The following PRKN variants were observed in gnomAD, a reference collection of about 807,000 sequenced individuals.
PRKN encodes the protein parkin RBR E3 ubiquitin protein ligase.
PRKN carries 56 observed loss-of-function variants against 59.5 expected under a neutral mutation model. That is an observed-to-expected ratio of 0.94 (90% CI 0.76 to 1.18). PRKN has a LOEUF of 1.18. Ranked by LOEUF, PRKN falls within the 50% of genes most tolerant of loss-of-function variation. The probability of loss-of-function intolerance (pLI) is 0.00; values close to 1 mark genes in which losing one functional copy is unlikely to be tolerated. For synonymous variants in PRKN, 250 were observed against 222.1 expected (o/e 1.13, Z -1.12); for missense variants, 657 against 596.4 (o/e 1.10, Z -1.06).
chr6:161,629,926 G>A (rs144556166), intron 7 of PRKN, among the ~76,000 whole-genome samples: 145 of 152,214 alleles, frequency 9.5e-4, no homozygotes, highest in African/African-American at 2.5e-3. Flanking sequence ...TGACAATAGC[G>A]CCAGGTCTGA....
chr6:161,623,344 CT>C (rs1272117270), intron 7 of PRKN, among the ~76,000 whole-genome samples: 1 of 152,124 alleles, frequency 6.6e-6, no homozygotes, highest in African/African-American at 2.4e-5. Context: ...AGACATAAGT[CT>C]TGTAAGTGAA....
intron 6 of PRKN, among the ~76,000 whole-genome samples, chr6:161,930,559 C>A (rs771759583): frequency 6.6e-6 from 1 of 152,092 alleles, no homozygotes; most frequent in African/African-American, 2.4e-5. Flanking sequence ...ATGTTCTTGC[C>A]CATTGTAGAA....
chr6:162,007,369 C>T (rs1032714405), intron 5 of PRKN, among the ~76,000 whole-genome samples: 5 of 152,104 alleles, frequency 3.3e-5, no homozygotes, highest in African/African-American at 1.2e-4. Context: ...AGTATAATAG[C>T]AGACACATTT....
chr6:162,368,111 T>C (rs1158915546), intron 2 of PRKN, among the ~76,000 whole-genome samples: 1 of 152,098 alleles, frequency 6.6e-6, no homozygotes, highest in African/African-American at 2.4e-5. Flanking sequence ...GGCAAGGGCA[T>C]CTGGGAAATA....
chr6:161,510,994 T>C (rs937161801), intron 9 of PRKN, among the ~76,000 whole-genome samples: 1 of 152,304 alleles, frequency 6.6e-6, no homozygotes. Context: ...GAAGATGCTA[T>C]TTTTAAAGAG....
chr6:162,296,669 C>A (rs1003133898), intron 2 of PRKN, among the ~76,000 whole-genome samples: 2 of 152,018 alleles, frequency 1.3e-5, no homozygotes, highest in African/African-American at 4.8e-5. Context: ...GCTCAGATTG[C>A]AAATGTATAC....
chr6:162,561,421 T>C (rs1389994882), intron 1 of PRKN, among the ~76,000 whole-genome samples: 2 of 152,082 alleles, frequency 1.3e-5, no homozygotes, highest in East Asian at 3.9e-4. Context: ...GCTCCACCGT[T>C]CGTCCCCCGA....
At chr6:162,424,254 A>G (rs1016055924) in intron 2 of PRKN, among the ~76,000 whole-genome samples, 3 of 152,166 alleles carry the variant, frequency 2.0e-5, no homozygotes, top group Non-Finnish European at 4.4e-5. Flanking sequence ...GAGGGAAGAA[A>G]TGGGTGATGA....
intron 7 of PRKN, among the ~76,000 whole-genome samples, chr6:161,653,633 T>C (rs537377579): frequency 6.6e-6 from 1 of 152,348 alleles, no homozygotes; most frequent in Admixed American, 6.5e-5. Context: ...AACTAGTTCA[T>C]ACTTCCCACT....
intron 9 of PRKN, among the ~76,000 whole-genome samples, chr6:161,494,439 A>C (rs1208737542): frequency 6.6e-6 from 1 of 152,204 alleles, no homozygotes; most frequent in African/African-American, 2.4e-5. Flanking sequence ...CTGAATCTTA[A>C]GGAGAGTGGA....
rs1268150052 is a variant in PRKN at position 161,363,091 on chromosome 6, G to C, written c.1168-2886C>G. On this transcript the variant is annotated intron_variant, in intron 10 of 11. Coordinates refer to ENST00000366898, the MANE Select transcript of PRKN (RefSeq NM_004562.3). The surrounding 1 kb of genome is among the most constrained non-coding windows in gnomAD (Gnocchi z 4.1). ...ACCTCGTCTCTGCTAAAAACACAAC[G>C]ATTAGCCAAGCGTGGTGGTGTGCAC... Among the ~76,000 whole-genome samples the C allele has an allele frequency of 6.6e-6, 1 of 151,964 alleles. No individual in the cohort carries two copies. Among genetic ancestry groups the C allele is most frequent in the East Asian group, 1.9e-4 (1 of 5,182 alleles).
chr6:161,882,742 G>A lies in PRKN; in HGVS notation c.734+90560C>T, dbSNP rs921072134. ...TCCACGGCTGGGCGCGGTGGCTCAC[G>A]CTTGTAATCCCAGCACTTTGGGAGG... On this transcript the variant is annotated intron_variant, in intron 6 of 11. Transcript: ENST00000366898. 2.6e-5 allele frequency among the ~76,000 whole-genome samples: 4 copies of A among 152,106 alleles called. No homozygotes were observed. In the South Asian group the frequency reaches 6.2e-4, roughly 24 times the overall value.
At chr6:162,252,898 T>C (rs1779492856) in intron 3 of PRKN, among the ~76,000 whole-genome samples, 1 of 152,250 alleles carries the variant, frequency 6.6e-6, no homozygotes, top group Non-Finnish European at 1.5e-5. Flanking sequence ...AAACAAATGT[T>C]GTTTTCATTC....
Position 161,405,028 on chromosome 6 carries a change from G to T in PRKN, c.1084-18151C>A, listed in dbSNP as rs1787199003. 6.6e-6 allele frequency among the ~76,000 whole-genome samples: 1 copy of T among 152,170 alleles called. No individual in the cohort carries two copies. The highest frequency in any genetic ancestry group is 1.5e-5 in the Non-Finnish European group (1 of 68,032). On this transcript the variant is annotated intron_variant, in intron 9 of 11. Coordinates refer to ENST00000366898, the MANE Select transcript of PRKN (RefSeq NM_004562.3). This position sits in a 1 kb window ranked among gnomAD's most constrained non-coding sequence, Gnocchi z 5.1. ...ACGTTTAATGTTTTATATTTTCATT[G>T]AAGGCAGGAAGATAGACTAAATGAT...
intron 2 of PRKN, among the ~76,000 whole-genome samples, chr6:162,425,421 G>C (rs1043632523): frequency 2.0e-5 from 3 of 152,104 alleles, no homozygotes; most frequent in Admixed American, 1.3e-4. Flanking sequence ...AGTTACCTAA[G>C]AACCACAGAC....
chr6:161,803,851 GC>G (rs1791195969), intron 6 of PRKN, among the ~76,000 whole-genome samples: 1 of 152,190 alleles, frequency 6.6e-6, no homozygotes, highest in South Asian at 2.1e-4. Context: ...CATAAAGGAA[GC>G]AAAGACCTCA....
At chr6:162,132,504 G>A (rs866999709) in intron 4 of PRKN, among the ~76,000 whole-genome samples, 119 of 152,264 alleles carry the variant, frequency 7.8e-4, no homozygotes, top group African/African-American at 2.8e-3. Context: ...CTACACGATG[G>A]ACATAATAAC....
chr6:162,060,042 T>C (rs1205899183), intron 4 of PRKN, among the ~76,000 whole-genome samples: 3 of 152,364 alleles, frequency 2.0e-5, no homozygotes, highest in African/African-American at 4.8e-5. Context: ...ACAGACCTCA[T>C]GAACCACACA....
chr6:161,468,475 G>A lies in PRKN; in HGVS notation c.1083+80379C>T, dbSNP rs991505721. 6.6e-6 allele frequency among the ~76,000 whole-genome samples: 1 copy of A among 152,146 alleles called. No homozygotes were observed. Among genetic ancestry groups the A allele is most frequent in the African/African-American group, 2.4e-5 (1 of 41,422 alleles). On this transcript the variant is annotated intron_variant, in intron 9 of 11. Coordinates refer to ENST00000366898, the MANE Select transcript of PRKN (RefSeq NM_004562.3). This position sits in a 1 kb window ranked among gnomAD's most constrained non-coding sequence, Gnocchi z 5.9. The stretch of plus-strand genomic sequence containing the variant: ...AAATGGCAAGGGGGTACTTCAGCCT[G>A]ACTCCATTTTTGCCTCACTCCCCAT...
Sources: gnomAD v4.1 joint callset for allele counts (sites outside exome capture counted in the v4.1 genomes callset) on GRCh38, gnomAD v4.1.1 for gene constraint, Gnocchi (gnomAD v3.1) non-coding constraint, MANE v1.5 for transcripts, NCBI Gene and HGNC (gene_info 2026-07-23, HGNC 2026-07-21) for gene names.